The following NT5C2 variants were observed in gnomAD, a reference collection of about 807,000 sequenced individuals.
NT5C2 encodes the protein 5'-nucleotidase, cytosolic II, also known as cytosolic purine 5'-nucleotidase.
NT5C2 carries 58 observed loss-of-function variants against 76.1 expected under a neutral mutation model. That is an observed-to-expected ratio of 0.76 (90% confidence interval 0.62 to 0.95). The LOEUF is 0.95. Ranked by LOEUF, NT5C2 falls within the 40% of genes least tolerant of loss-of-function variation. NT5C2 has a pLI of 0.00. For synonymous variants in NT5C2, 229 were observed against 237.4 expected, an observed-to-expected ratio of 0.96 and a Z score of 0.32; for missense variants, 478 against 690.3, an observed-to-expected ratio of 0.69 and a Z score of 3.45.
intron 4 of NT5C2, chr10:103,125,319 A>C: frequency 2.0e-6 from 1 of 509,484 alleles, no homozygotes; most frequent in Non-Finnish European, 3.6e-6. Context: ...AAAGACAATG[A>C]CTTTGGAGCA....
chr10:103,091,376 A>C (rs2066833783), intron 16 of NT5C2, among the ~76,000 whole-genome samples, 188 bp downstream of exon 16: 1 of 138,520 alleles, frequency 7.2e-6, no homozygotes. Flanking sequence ...ACGGAGTTTC[A>C]CTCTTGTCGC....
chr10:103,158,544 C>T (rs1430796708), intron 3 of NT5C2, among the ~76,000 whole-genome samples: 4 of 151,972 alleles, frequency 2.6e-5, no homozygotes, highest in South Asian at 2.1e-4. Context: ...AGGCCAGGCA[C>T]GGTGGCTCAC....
Position 103,098,917 on chromosome 10 carries a change from C to T in NT5C2, c.687+14G>A. 1 of 1,568,602 alleles carries T rather than the reference C, an allele frequency of 6.4e-7. No individual in the cohort carries two copies. Among genetic ancestry groups the T allele is most frequent in the Non-Finnish European group, 8.8e-7 (1 of 1,141,524 alleles). ...GAGCTATTATGCAGATCTATTTTCCCCTATATTACTTACATCTTTGACTAC... is the reference window on the plus strand; with the variant it reads ...GAGCTATTATGCAGATCTATTTTCCTCTATATTACTTACATCTTTGACTAC... On this transcript the variant is annotated intron_variant, in intron 10 of 18. Transcript: ENST00000404739.
chr10:103,095,868 CT>C, intron 12 of NT5C2, 70 bp downstream of exon 12: 1 of 1,391,990 alleles, frequency 7.2e-7, no homozygotes, highest in Non-Finnish European at 1.0e-6. Context: ...TTCTTTCCCC[CT>C]TAATATTCCA....
At chr10:103,127,858 C>T (rs1375822757) in intron 4 of NT5C2, among the ~76,000 whole-genome samples, 1 of 151,744 alleles carries the variant, frequency 6.6e-6, no homozygotes, top group African/African-American at 2.4e-5. Context: ...GCCCGGCCTA[C>T]ACCTGGCTAA....
At chr10:103,183,262 G>GTGAT (rs769522226) in intron 1 of NT5C2, among the ~76,000 whole-genome samples, 2,784 of 73,304 alleles carry the variant, frequency 0.038, 51 homozygotes, top group Middle Eastern at 0.15. Flanking sequence ...GTGTGTGTGT[G>GTGAT]ATATATATAT....
intron 3 of NT5C2, among the ~76,000 whole-genome samples, chr10:103,164,406 C>A (rs942295117): frequency 2.0e-5 from 3 of 151,938 alleles, no homozygotes; most frequent in African/African-American, 7.3e-5. Context: ...TACAGGCATG[C>A]GCCACCACGC....
intron 4 of NT5C2, among the ~76,000 whole-genome samples, chr10:103,109,176 A>G (rs2072259092): frequency 6.6e-6 from 1 of 151,948 alleles, no homozygotes; most frequent in Non-Finnish European, 1.5e-5. Context: ...AACTGGCTAT[A>G]TTACCTTCTT....
At chr10:103,190,471 C>CA (rs957030460) in intron 1 of NT5C2, among the ~76,000 whole-genome samples, 21 of 151,830 alleles carry the variant, frequency 1.4e-4, no homozygotes, top group African/African-American at 3.6e-4. Context: ...TCACTCTGAG[C>CA]AAAAAAAACT....
intron 4 of NT5C2, among the ~76,000 whole-genome samples, chr10:103,108,866 C>CT (rs2072142512): frequency 1.3e-5 from 2 of 149,532 alleles, no homozygotes; most frequent in Admixed American, 6.7e-5. Flanking sequence ...TTTTCTTTTT[C>CT]TTTTTTTCTG....
At chr10:103,173,713 T>C (rs1391002199) in intron 3 of NT5C2, among the ~76,000 whole-genome samples, 2 of 143,366 alleles carry the variant, frequency 1.4e-5, no homozygotes, top group African/African-American at 2.6e-5. Context: ...GATCACGAGG[T>C]CTGGAGTTCA....
rs752068317 is a variant in NT5C2 at position 103,093,234 on chromosome 10, C to T, written c.1064G>A (p.Gly355Glu). ...DILYIGDHIFGDILKSKKRQG... is the reference protein window; with the variant it reads ...DILYIGDHIFEDILKSKKRQG... The stretch of plus-strand genomic sequence containing the variant: ...CCGTTTCTTTGATTTTAAAATGTCC[C>T]CAAAAATGTGATCTCCAATATACAA... The change falls in exon 15 of 19, where the codon GGG becomes GAG. Residue 355 changes from glycine (G) to glutamate (E), a missense_variant. Gly to Glu is a moderately conservative substitution (Grantham distance 98). Coordinates refer to ENST00000404739, the MANE Select transcript of NT5C2 (RefSeq NM_001351169.2). The T allele has an allele frequency of 2.5e-6, 4 of 1,611,900 alleles. No homozygotes were observed. The highest frequency in any genetic ancestry group is 3.4e-6 in the Non-Finnish European group (4 of 1,179,042).
intron 3 of NT5C2, 50 bp from the exon 4 acceptor site, chr10:103,139,529 C>T (rs1181619173): frequency 2.2e-5 from 28 of 1,248,076 alleles, no homozygotes; most frequent in Non-Finnish European, 3.0e-5. Flanking sequence ...AATAAATTCT[C>T]AAGTTTAATA....
intron 18 of NT5C2, chr10:103,090,115 C>G: frequency 4.4e-6 from 2 of 450,892 alleles, no homozygotes; most frequent in Non-Finnish European, 3.9e-6. Context: ...CCCATATTGT[C>G]TACTGCAGCT....
chr10:103,187,415 T>C (rs2092167015), intron 1 of NT5C2, among the ~76,000 whole-genome samples: 1 of 151,626 alleles, frequency 6.6e-6, no homozygotes, highest in Non-Finnish European at 1.5e-5. Flanking sequence ...TAGCCAGGTG[T>C]AGTGGTGGGC....
intron 3 of NT5C2, among the ~76,000 whole-genome samples, chr10:103,154,886 G>A (rs898980639): frequency 6.6e-6 from 1 of 152,124 alleles, no homozygotes; most frequent in South Asian, 2.1e-4. Context: ...AACTTCCCAT[G>A]GATTCCCTAG....
chr10:103,146,567 T>A (rs1384904300), intron 3 of NT5C2: 1 of 388,758 alleles, frequency 2.6e-6, no homozygotes, highest in Non-Finnish European at 3.5e-6. Context: ...TTTTACTTAA[T>A]AGAAAATGCT....
At chr10:103,171,423 G>A (rs1217294918) in intron 3 of NT5C2, among the ~76,000 whole-genome samples, 1 of 152,182 alleles carries the variant, frequency 6.6e-6, no homozygotes, top group East Asian at 1.9e-4. Context: ...TTTCCAGTAA[G>A]ATTTCAAAGT....
At chr10:103,190,280 T>C (rs942251654) in intron 1 of NT5C2, among the ~76,000 whole-genome samples, 3 of 152,326 alleles carry the variant, frequency 2.0e-5, no homozygotes, top group Middle Eastern at 3.4e-3. Context: ...CCATGTAGCA[T>C]ACTTGTAAAC....
Sources: allele counts gnomAD v4.1 joint callset (sites outside exome capture counted in the v4.1 genomes callset), GRCh38; gene constraint gnomAD v4.1.1; transcripts MANE v1.5; gene names NCBI Gene and HGNC (gene_info 2026-07-23, HGNC 2026-07-21).